CRK: variants seen among roughly 807,000 people sequenced by gnomAD.
CRK encodes adapter molecule crk.
A neutral mutation model predicts 29.8 loss-of-function variants in CRK; 4 were observed. That is an observed-to-expected ratio of 0.13 (90% CI 0.07 to 0.31). CRK has a LOEUF of 0.31. Among genes scored for constraint, CRK ranks in the 10% least tolerant of loss-of-function variants. The pLI, the probability that CRK is intolerant of heterozygous loss-of-function variation, is 1.00. For missense variants in CRK, 274 were observed against 396.5 expected, an observed-to-expected ratio of 0.69 and a Z score of 2.62; for synonymous variants, 153 against 164.9, an observed-to-expected ratio of 0.93 and a Z score of 0.55.
Position 1,427,072 on chromosome 17 carries a change from A to AAAAG in CRK, c.778-3423_778-3422insCTTT, listed in dbSNP as rs778793991. 1.9e-3 allele frequency among the ~76,000 whole-genome samples: 177 copies of AAAAG among 92,066 alleles called. 44 individuals are homozygous for AAAAG. The highest frequency in any genetic ancestry group is 3.0e-3 in the Non-Finnish European group (144 of 47,906). 60.4% of individuals were successfully genotyped at this position (92,066 alleles called of 152,430 possible). A position where few individuals can be genotyped will look rare whatever the true frequency, so the allele number is the denominator to read the frequency against. On this transcript the variant is annotated intron_variant, in intron 2 of 2. Transcript: ENST00000300574. ...AAAAAAAAAAAAAAAAAAAAAAAAAAGATTCTGACATGCCCCAGCCAGGCT... is the reference window on the plus strand; with the variant it reads ...AAAAAAAAAAAAAAAAAAAAAAAAAAAAAGGATTCTGACATGCCCCAGCCAGGCT...
Position 1,456,108 on chromosome 17 carries a change from T to G in CRK, c.10A>C (p.Asn4His). 1.9e-6 allele frequency: 3 copies of G among 1,547,258 alleles called. No homozygotes were observed. Among genetic ancestry groups the G allele is most frequent in the Non-Finnish European group, 2.6e-6 (3 of 1,150,422 alleles). MAG[N>H]FDSEERSSWY... ...CTACTCCGCTCCTCCGAGTCGAAGTTGCCCGCCATGGCTGCCTCCGCGCCT... is the reference window on the plus strand; with the variant it reads ...CTACTCCGCTCCTCCGAGTCGAAGTGGCCCGCCATGGCTGCCTCCGCGCCT... Residue 4 changes from asparagine (N) to histidine (H), a missense_variant, in exon 1 of 3, where the codon AAC (asparagine) becomes CAC (histidine). Around this residue, in one of 3 missense-constraint regions of CRK, gnomAD observed 135 missense variants for 180.9 expected, o/e 0.75. Transcript: ENST00000300574.
intron 2 of CRK, among the ~76,000 whole-genome samples, chr17:1,433,038 G>A (rs116530850): frequency 0.017 from 2,560 of 152,266 alleles, 46 homozygotes; most frequent in African/African-American, 0.041. Context: ...CCCAAGGAAC[G>A]TAACAAACAC....
intron 1 of CRK, among the ~76,000 whole-genome samples, 195 bp from the exon 2 acceptor site, chr17:1,437,350 C>A (rs1260259394): frequency 1.3e-5 from 2 of 151,944 alleles, no homozygotes; most frequent in East Asian, 3.9e-4. Flanking sequence ...CTGTGCCTGG[C>A]CGAAATGGAG....
chr17:1,427,060 AAAAAAAAAAAAAGAT>A (rs1270676861), intron 2 of CRK, among the ~76,000 whole-genome samples: 3 of 99,538 alleles, frequency 3.0e-5, no homozygotes, highest in African/African-American at 1.1e-4. Flanking sequence ...AAAAAAAAAA[AAAAAAAAAAAAAGAT>A]TCTGACATGC....
chr17:1,424,165 C>T (rs1006146482), intron 2 of CRK, among the ~76,000 whole-genome samples: 3 of 146,372 alleles, frequency 2.0e-5, no homozygotes, highest in African/African-American at 7.6e-5. Flanking sequence ...CTCCCAGGTT[C>T]GAGCAATTTT....
At chr17:1,435,563 G>A (rs898599670) in intron 2 of CRK, among the ~76,000 whole-genome samples, 4 of 152,102 alleles carry the variant, frequency 2.6e-5, no homozygotes, top group African/African-American at 7.2e-5. Context: ...AAGACCTGAG[G>A]GTAGAAATCT....
intron 2 of CRK, among the ~76,000 whole-genome samples, chr17:1,424,067 GTT>G (rs58338503): frequency 3.8e-4 from 42 of 109,834 alleles, no homozygotes; most frequent in Admixed American, 8.7e-4. Context: ...AGCTTTCTCC[GTT>G]TTTTTTTTTT....
In CRK at chr17:1,437,174, G is replaced by A; in HGVS notation, c.242-19C>T. The stretch of plus-strand genomic sequence containing the variant: ...CTCACCCCTGGAAAAAACAGAGCAG[G>A]CTGTTATTTAATGATGTACTACACT... On this transcript the variant is annotated intron_variant, in intron 1 of 2. Coordinates refer to ENST00000300574, the MANE Select transcript of CRK (RefSeq NM_016823.4). The A allele has an allele frequency of 6.4e-7, 1 of 1,566,946 alleles. No homozygotes were observed. Among genetic ancestry groups the A allele is most frequent in the Non-Finnish European group, 8.6e-7 (1 of 1,158,684 alleles).
At chr17:1,450,708 A>T (rs113259629) in intron 1 of CRK, among the ~76,000 whole-genome samples, 1,582 of 151,268 alleles carry the variant, frequency 0.01, 33 homozygotes, top group African/African-American at 0.036. Context: ...ACGTGGCAAA[A>T]CCCCGTCTGT....
intron 2 of CRK, among the ~76,000 whole-genome samples, chr17:1,435,864 AAAGG>A (rs1449363710): frequency 2.0e-5 from 3 of 151,984 alleles, no homozygotes; most frequent in African/African-American, 4.8e-5. Context: ...TTCTGAAAAG[AAAGG>A]AAGGGAGAGA....
intron 2 of CRK, chr17:1,426,631 C>G (rs927995262): frequency 2.0e-5 from 3 of 151,862 alleles, no homozygotes; most frequent in Non-Finnish European, 2.9e-5. Flanking sequence ...TTTGGGAGGT[C>G]GAGGTGAGTG....
intron 1 of CRK, among the ~76,000 whole-genome samples, chr17:1,450,399 C>A (rs1296207027): frequency 4.0e-5 from 6 of 151,712 alleles, no homozygotes; most frequent in Non-Finnish European, 7.4e-5. Flanking sequence ...CCCAGCTGCT[C>A]AGGAGGCTGA....
At chr17:1,454,200 AAAAT>A (rs1174248522) in intron 1 of CRK, among the ~76,000 whole-genome samples, 4 of 152,104 alleles carry the variant, frequency 2.6e-5, no homozygotes, top group East Asian at 1.9e-4. Context: ...ACTCCGTCTC[AAAAT>A]AAATAAATAA....
At chr17:1,427,768 G>C (rs533468147) in intron 2 of CRK, among the ~76,000 whole-genome samples, 1 of 150,394 alleles carries the variant, frequency 6.6e-6, no homozygotes, top group East Asian at 2.0e-4. Context: ...TAGCTGGGAC[G>C]ACAAGCACAA....
At chr17:1,424,003 T>A (rs189849675) in intron 2 of CRK, among the ~76,000 whole-genome samples, 1 of 152,020 alleles carries the variant, frequency 6.6e-6, no homozygotes, top group African/African-American at 2.4e-5. Context: ...CCTTTCTTTG[T>A]ACTCACTACC....
Position 1,423,654 on chromosome 17 carries a change from CAGG to C in CRK, c.778-7_778-5del, listed in dbSNP as rs751938712. ...TAACCTTTACCAGCTCACCGACCTG[CAGG>C]AGGAGAATAAGGAGAGCACTTTATT... On this transcript the variant is annotated splice_polypyrimidine_tract_variant and splice_region_variant and intron_variant, in intron 2 of 2. Coordinates refer to ENST00000300574, the MANE Select transcript of CRK (RefSeq NM_016823.4). 72 of 1,613,652 alleles carry C rather than the reference CAGG, an allele frequency of 4.5e-5. No individual in the cohort carries two copies. The highest frequency in any genetic ancestry group is 5.8e-5 in the Non-Finnish European group (68 of 1,179,910).
At position 1,423,574 on chromosome 17, in the gene CRK, T is replaced by C; in HGVS notation, c.854A>G (p.His285Arg). Residue 285 changes from histidine (H) to arginine (R), a missense_variant, in exon 3 of 3, where the codon CAC becomes CGC. This residue lies in a region of CRK where 121 missense variants were observed against 154.3 expected (regional missense o/e 0.78). Transcript: ENST00000300574. Reference sequence around the variant, plus strand: ...CAGACGGACATGTGTGAATGGGAAGTGACCTCGTTTGCCATTACACTCCCC... The same window carrying C: ...CAGACGGACATGTGTGAATGGGAAGCGACCTCGTTTGCCATTACACTCCCC... ...WEGECNGKRG[H>R]FPFTHVRLLD... 1.2e-6 allele frequency: 2 copies of C among 1,614,124 alleles called. No individual in the cohort carries two copies. The highest frequency in any genetic ancestry group is 1.7e-6 in the Non-Finnish European group (2 of 1,180,004).
At chr17:1,445,953 T>C (rs1453385067) in intron 1 of CRK, among the ~76,000 whole-genome samples, 3 of 152,188 alleles carry the variant, frequency 2.0e-5, no homozygotes, top group African/African-American at 4.8e-5. Context: ...TTAGAAGAGA[T>C]GGGGTTTCAC....
chr17:1,428,948 C>A (rs1251441433), intron 2 of CRK, among the ~76,000 whole-genome samples: 2 of 145,890 alleles, frequency 1.4e-5, no homozygotes, highest in Admixed American at 1.4e-4. Flanking sequence ...TGGGTTCAAG[C>A]GATTCTCCTG....
Sources: allele counts gnomAD v4.1 joint callset (sites outside exome capture counted in the v4.1 genomes callset), GRCh38; gene constraint gnomAD v4.1.1; regional missense constraint gnomAD v4.1.1; transcripts MANE v1.5; gene names NCBI Gene and HGNC (gene_info 2026-07-23, HGNC 2026-07-21).